The following CACNA2D1 variants were observed in gnomAD, a reference collection of about 807,000 sequenced individuals.
CACNA2D1 encodes calcium voltage-gated channel auxiliary subunit alpha2delta 1.
A neutral mutation model predicts 171.5 loss-of-function variants in CACNA2D1; 53 were observed. The ratio of observed to expected loss-of-function variants is 0.31; its 90% CI spans 0.25 to 0.39. CACNA2D1 has a LOEUF of 0.39. CACNA2D1 is among the 10% of genes least tolerant of loss of function. The pLI is 1.00. For synonymous variants in CACNA2D1, 442 were observed against 443.1 expected (o/e 1.00, Z 0.03); for missense variants, 903 against 1,299.8 (o/e 0.69, Z 4.69).
At chr7:82,125,557 T>C (rs571391204) in intron 5 of CACNA2D1, among the ~76,000 whole-genome samples, 1 of 152,280 alleles carries the variant, frequency 6.6e-6, no homozygotes, top group East Asian at 1.9e-4. Context: ...CCTCAGTTTA[T>C]TTTAACATCT....
chr7:82,353,803 A>G (rs1335883953), intron 1 of CACNA2D1, among the ~76,000 whole-genome samples: 2 of 152,142 alleles, frequency 1.3e-5, no homozygotes, highest in Admixed American at 6.6e-5. Context: ...AATAGAAGTG[A>G]GCCTATTTCT....
At chr7:82,376,787 GTACTGAGCAATGTCAGCTTTA>G (rs1350826672) in intron 1 of CACNA2D1, among the ~76,000 whole-genome samples, 2 of 152,188 alleles carry the variant, frequency 1.3e-5, no homozygotes, top group Non-Finnish European at 2.9e-5. Flanking sequence ...AAAGTGAGCT[GTACTGAGCAATGTCAGCTTTA>G]TACTTTTAAG....
At chr7:82,345,080 C>T (rs999046203) in intron 2 of CACNA2D1, among the ~76,000 whole-genome samples, 13 of 151,790 alleles carry the variant, frequency 8.6e-5, no homozygotes, top group African/African-American at 3.1e-4. Flanking sequence ...TGAGTATCTC[C>T]CTCTGTAAAT....
chr7:81,981,298 A>T (rs1289850193), intron 24 of CACNA2D1, among the ~76,000 whole-genome samples: 3 of 152,140 alleles, frequency 2.0e-5, no homozygotes, highest in Admixed American at 6.6e-5. Context: ...GAGTAAGAAA[A>T]ACAGAATAGT....
chr7:82,339,471 C>T (rs942856481), intron 2 of CACNA2D1, among the ~76,000 whole-genome samples: 1 of 152,222 alleles, frequency 6.6e-6, no homozygotes, highest in African/African-American at 2.4e-5. Context: ...GAAATAGGAG[C>T]TCCCTTACAC....
At chr7:82,319,693 C>T (rs989976348) in intron 3 of CACNA2D1, among the ~76,000 whole-genome samples, 15 of 152,116 alleles carry the variant, frequency 9.9e-5, no homozygotes, top group Non-Finnish European at 2.9e-5. Context: ...TATTATTAGA[C>T]CTTTAAGTTG....
intron 1 of CACNA2D1, among the ~76,000 whole-genome samples, chr7:82,376,792 G>A (rs527938743): frequency 7.2e-5 from 11 of 152,262 alleles, no homozygotes; most frequent in African/African-American, 2.6e-4. Context: ...GAGCTGTACT[G>A]AGCAATGTCA....
chr7:82,390,576 AG>A (rs1825000588), intron 1 of CACNA2D1, among the ~76,000 whole-genome samples: 1 of 152,120 alleles, frequency 6.6e-6, no homozygotes, highest in South Asian at 2.1e-4. Context: ...GACTAGCAAG[AG>A]TGTAAAATGC....
At chr7:82,329,720 T>C (rs1344340583) in intron 3 of CACNA2D1, among the ~76,000 whole-genome samples, 1 of 152,172 alleles carries the variant, frequency 6.6e-6, no homozygotes, top group Non-Finnish European at 1.5e-5. Flanking sequence ...ATGATATTAG[T>C]TATATAATCA....
intron 4 of CACNA2D1, among the ~76,000 whole-genome samples, chr7:82,147,268 A>C (rs996436): frequency 0.28 from 41,864 of 151,986 alleles, 6,063 homozygotes; most frequent in East Asian, 0.39. Context: ...CAATTTATTT[A>C]TTCATCTGAT....
At chr7:82,272,707 C>T (rs1308846525) in intron 3 of CACNA2D1, among the ~76,000 whole-genome samples, 4 of 152,116 alleles carry the variant, frequency 2.6e-5, no homozygotes, top group South Asian at 2.1e-4. Context: ...CAAAAATCAG[C>T]GTAATATCCT....
chr7:82,173,288 C>T (rs1796237156), intron 3 of CACNA2D1, among the ~76,000 whole-genome samples: 1 of 151,932 alleles, frequency 6.6e-6, no homozygotes, highest in Non-Finnish European at 1.5e-5. Flanking sequence ...ATTTTGAACA[C>T]TAATTTTATA....
rs1323761058 is a variant in CACNA2D1 at position 81,959,455 on chromosome 7, ACTTAT to A, written c.3077-103_3077-99del. 8.1e-6 allele frequency: 7 copies of A among 861,650 alleles called. No individual in the cohort carries two copies. In the East Asian group the frequency reaches 1.8e-4, roughly 22 times the overall value. The allele number at this position is 861,650 out of a possible 1,614,324, so 53.4% of individuals were successfully genotyped here. ...TTTCCCAAAACATGTGAGAGAGATA[ACTTAT>A]ACATCATTACTCTCATCCAACACAA... On this transcript the variant is annotated intron_variant, in intron 37 of 38. Transcript: ENST00000356860.
chr7:82,106,985 G>T (rs578057453), intron 6 of CACNA2D1, among the ~76,000 whole-genome samples: 1 of 152,186 alleles, frequency 6.6e-6, no homozygotes, highest in South Asian at 2.1e-4. Context: ...TCCTCCATGA[G>T]GCTTTCCTAA....
intron 4 of CACNA2D1, among the ~76,000 whole-genome samples, chr7:82,138,997 A>G (rs188498258): frequency 6.6e-6 from 1 of 152,280 alleles, no homozygotes; most frequent in Non-Finnish European, 1.5e-5. Flanking sequence ...GAATGGGAAC[A>G]CGTAGAAAAC....
At chr7:82,283,889 C>T (rs1265722519) in intron 3 of CACNA2D1, among the ~76,000 whole-genome samples, 1 of 151,900 alleles carries the variant, frequency 6.6e-6, no homozygotes, top group Non-Finnish European at 1.5e-5. Flanking sequence ...TAAAAAGATG[C>T]CCACCTTGCA....
intron 21 of CACNA2D1, among the ~76,000 whole-genome samples, chr7:81,989,433 T>C (rs571834781): frequency 2.0e-5 from 3 of 152,360 alleles, no homozygotes; most frequent in South Asian, 2.1e-4. Context: ...CAAGTAGTTA[T>C]GTACTCTAAT....
At chr7:82,357,808 G>A (rs538300766) in intron 1 of CACNA2D1, among the ~76,000 whole-genome samples, 204 of 150,502 alleles carry the variant, frequency 1.4e-3, no homozygotes, top group African/African-American at 4.7e-3. Flanking sequence ...ACATGTATAC[G>A]TATGTAACAA....
At chr7:81,979,655 GT>G (rs1382864630) in intron 24 of CACNA2D1, among the ~76,000 whole-genome samples, 2 of 152,016 alleles carry the variant, frequency 1.3e-5, no homozygotes, top group Non-Finnish European at 2.9e-5. Flanking sequence ...TGTTGTTTTT[GT>G]TTTTTCTAGC....
Sources: allele counts gnomAD v4.1 joint callset (sites outside exome capture counted in the v4.1 genomes callset), GRCh38; gene constraint gnomAD v4.1.1; transcripts MANE v1.5; gene names NCBI Gene and HGNC (gene_info 2026-07-23, HGNC 2026-07-21).